Variants in MAP4K5 observed in about 807,000 individuals in gnomAD.
MAP4K5 encodes MAPK/ERK kinase kinase kinase 5.
In MAP4K5, 82 loss-of-function variants were observed where a neutral mutation model predicts 135.6. That is an observed-to-expected ratio of 0.60 (90% CI 0.51 to 0.73). The LOEUF is 0.73. MAP4K5 is among the 30% of genes least tolerant of loss of function. MAP4K5 has a pLI of 0.00. For synonymous variants in MAP4K5, 347 were observed against 335.0 expected (o/e 1.04, Z -0.39); for missense variants, 907 against 1,010.9 (o/e 0.90, Z 1.39).
At chr14:50,442,700 T>C (rs775956682) in intron 21 of MAP4K5, 32 bp downstream of exon 21, 10 of 1,282,340 alleles carry the variant, frequency 7.8e-6, no homozygotes, top group Non-Finnish European at 1.0e-5. Flanking sequence ...AAATATTTTA[T>C]TGGAGATGTA....
intron 26 of MAP4K5, among the ~76,000 whole-genome samples, chr14:50,435,723 C>T (rs1486554230): frequency 6.6e-6 from 1 of 152,012 alleles, no homozygotes; most frequent in African/African-American, 2.4e-5. Context: ...TAGCAGTGTA[C>T]AGATGTCTAC....
At chr14:50,486,647 T>G (rs560155898) in intron 3 of MAP4K5, among the ~76,000 whole-genome samples, 67 of 152,154 alleles carry the variant, frequency 4.4e-4, no homozygotes, top group Non-Finnish European at 8.4e-4. Flanking sequence ...AAAGCTACAT[T>G]AGGCCAGGCA....
chr14:50,460,245 C>A (rs1678430595), intron 13 of MAP4K5, among the ~76,000 whole-genome samples: 1 of 152,072 alleles, frequency 6.6e-6, no homozygotes. Flanking sequence ...TTCGTTGGTA[C>A]TTCTGAATTT....
At chr14:50,431,531 C>T (rs1206878361) in intron 28 of MAP4K5, among the ~76,000 whole-genome samples, 1 of 152,096 alleles carries the variant, frequency 6.6e-6, no homozygotes, top group Non-Finnish European at 1.5e-5. Flanking sequence ...CGATAGTTTA[C>T]TGAGAATGAT....
chr14:50,471,999 G>A (rs1268220365), intron 9 of MAP4K5: 2 of 152,394 alleles, frequency 1.3e-5, no homozygotes, highest in Admixed American at 1.3e-4. Context: ...CGTCAAAAAT[G>A]TGGTAAATCC....
upstream of MAP4K5, chr14:50,533,515 A>G (rs1185984560): frequency 6.6e-6 from 1 of 152,170 alleles, no homozygotes; most frequent in Non-Finnish European, 1.5e-5. Flanking sequence ...TTTGGCTGAT[A>G]TTTCACAAGC....
At position 50,477,999 on chromosome 14, in the gene MAP4K5, C is replaced by T. The variant is rs2037141403; in HGVS notation, c.379-1693G>A. Among the ~76,000 whole-genome samples, 2 of 152,042 alleles carry T rather than the reference C, an allele frequency of 1.3e-5. 1 individual carries two copies. The highest frequency in any genetic ancestry group is 1.3e-4 in the Admixed American group (2 of 15,260). On this transcript the variant is annotated intron_variant, in intron 6 of 32. Transcript: ENST00000682126. ...GATTCGGGAGTTATTTCTCATTCTT[C>T]AATTTTCTAGATAGGTATATATAGG...
chr14:50,540,808 C>T (rs993293115), intron 2 of MAP4K5, among the ~76,000 whole-genome samples: 4 of 152,146 alleles, frequency 2.6e-5, no homozygotes, highest in African/African-American at 9.7e-5. Context: ...TGTAACCTCC[C>T]TAGCTAACTT....
intron 21 of MAP4K5, among the ~76,000 whole-genome samples, 184 bp downstream of exon 21, chr14:50,442,548 A>C (rs996250837): frequency 4.0e-5 from 6 of 151,896 alleles, no homozygotes; most frequent in African/African-American, 7.3e-5. Context: ...GCTCCTATAC[A>C]CTCCTAAATT....
intron 2 of MAP4K5, among the ~76,000 whole-genome samples, chr14:50,518,424 T>C (rs1438875379): frequency 6.6e-6 from 1 of 152,206 alleles, no homozygotes; most frequent in African/African-American, 2.4e-5. Flanking sequence ...CCCTAGTGTG[T>C]ATTATTCCCC....
At position 50,532,063 on chromosome 14, in the gene MAP4K5, C is replaced by T. The variant is rs1376510798; in HGVS notation, c.-14G>A. On this transcript the variant is annotated 5_prime_UTR_variant, in exon 2 of 33. Coordinates refer to ENST00000682126, the MANE Select transcript of MAP4K5 (RefSeq NM_006575.6). ...CGGGGCCTCCATCTTCACTTAGGGC[C>T]CGGCCCCCGCCAGCTCACCCCGCGG... is the stretch of plus-strand genomic sequence containing the variant. 1 of 1,499,032 alleles carries T rather than the reference C, an allele frequency of 6.7e-7. No individual in the cohort carries two copies. The highest frequency in any genetic ancestry group is 1.9e-4 in the Middle Eastern group (1 of 5,168). 92.9% of individuals were successfully genotyped at this position (1,499,032 alleles called of 1,614,324 possible). A position where few individuals can be genotyped will look rare whatever the true frequency, so the allele number is the denominator to read the frequency against.
chr14:50,549,533 A>G (rs184126840), intron 1 of MAP4K5, among the ~76,000 whole-genome samples: 1 of 152,326 alleles, frequency 6.6e-6, no homozygotes, highest in African/African-American at 2.4e-5. Context: ...TGGACACAAC[A>G]ATGGGGCTAC....
chr14:50,547,897 C>T (rs959361156), intron 1 of MAP4K5, among the ~76,000 whole-genome samples: 16 of 152,186 alleles, frequency 1.1e-4, no homozygotes, highest in African/African-American at 3.6e-4. Context: ...CAAAAGGATA[C>T]CTGCACAACC....
chr14:50,531,163 A>G (rs910184926), intron 2 of MAP4K5, among the ~76,000 whole-genome samples: 1 of 152,216 alleles, frequency 6.6e-6, no homozygotes, highest in African/African-American at 2.4e-5. Context: ...CCATTCAAGA[A>G]CTCAGCGGAT....
At chr14:50,513,138 G>A (rs1595533376) in intron 2 of MAP4K5, among the ~76,000 whole-genome samples, 1 of 152,040 alleles carries the variant, frequency 6.6e-6, no homozygotes, top group East Asian at 1.9e-4. Flanking sequence ...CATAATGAAT[G>A]GAATCAATAT....
chr14:50,552,069 A>G (rs2038709337), intron 1 of MAP4K5, among the ~76,000 whole-genome samples: 1 of 152,204 alleles, frequency 6.6e-6, no homozygotes, highest in African/African-American at 2.4e-5. Flanking sequence ...AGGAAGTCAA[A>G]CTGTTGCTGT....
chr14:50,500,652 G>A (rs2037688041), intron 3 of MAP4K5, among the ~76,000 whole-genome samples: 1 of 152,132 alleles, frequency 6.6e-6, no homozygotes, highest in Admixed American at 6.6e-5. Context: ...AGGCTTTCTG[G>A]AAAATAGATG....
chr14:50,479,178 TTC>T (rs201281847), intron 6 of MAP4K5, among the ~76,000 whole-genome samples: 4 of 79,006 alleles, frequency 5.1e-5, no homozygotes, highest in Non-Finnish European at 5.3e-5. Context: ...TGTCTCTTCA[TTC>T]TCTCTCTTTT....
At chr14:50,442,355 C>T (rs1293227288) in intron 21 of MAP4K5, among the ~76,000 whole-genome samples, 1 of 151,682 alleles carries the variant, frequency 6.6e-6, no homozygotes, top group African/African-American at 2.4e-5. Context: ...TATTTGTGTA[C>T]ATTAAGGAAA....
Sources: allele counts gnomAD v4.1 joint callset (sites outside exome capture counted in the v4.1 genomes callset), GRCh38; gene constraint gnomAD v4.1.1; transcripts MANE v1.5; gene names NCBI Gene and HGNC (gene_info 2026-07-23, HGNC 2026-07-21).